CWF19L2: variants seen among roughly 807,000 people sequenced by gnomAD.
CWF19L2 encodes CWF19-like protein 2.
In CWF19L2, 98 loss-of-function variants were observed where a neutral mutation model predicts 111.7. That is an observed-to-expected ratio of 0.88 (90% CI 0.75 to 1.04). The LOEUF (loss-of-function observed/expected upper bound fraction) is 1.04, where lower values mean the gene tolerates loss of function less well. CWF19L2 is among the 50% of genes least tolerant of loss of function. The pLI is 0.00. For missense variants in CWF19L2, 1,101 were observed against 1,051.4 expected, an observed-to-expected ratio of 1.05 and a Z score of -0.65; for synonymous variants, 351 against 342.9, an observed-to-expected ratio of 1.02 and a Z score of -0.26.
intron 14 of CWF19L2, 133 bp from the exon 15 acceptor site, chr11:107,336,846 A>C: frequency 1.8e-6 from 1 of 562,788 alleles, no homozygotes; most frequent in Non-Finnish European, 3.0e-6. Context: ...TAAATAAAAT[A>C]AACAGTAATA....
intron 12 of CWF19L2, among the ~76,000 whole-genome samples, chr11:107,357,045 C>CAAAACAAAAACA (rs60904777): frequency 0.016 from 2,347 of 151,012 alleles, 60 homozygotes; most frequent in African/African-American, 0.053. Context: ...TCTCAAACAA[C>CAAAACAAAAACA]AAAACAAAAA....
intron 7 of CWF19L2, among the ~76,000 whole-genome samples, chr11:107,433,359 G>A (rs1022294741): frequency 4.6e-5 from 7 of 152,138 alleles, no homozygotes; most frequent in Admixed American, 1.3e-4. Flanking sequence ...GTACCATGCA[G>A]ACTTTCCGGC....
intron 12 of CWF19L2, among the ~76,000 whole-genome samples, chr11:107,384,477 G>A (rs892185260): frequency 3.9e-5 from 6 of 152,088 alleles, no homozygotes; most frequent in Non-Finnish European, 7.4e-5. Context: ...CATTATTTTG[G>A]TGCCCAACAA....
At chr11:107,455,554 T>C (rs946537308) in intron 2 of CWF19L2, 112 bp downstream of exon 2, 5 of 600,614 alleles carry the variant, frequency 8.3e-6, no homozygotes, top group Non-Finnish European at 1.4e-5. Context: ...CTATGTGATA[T>C]TCATTTTGTA....
intron 12 of CWF19L2, among the ~76,000 whole-genome samples, chr11:107,374,449 G>A (rs1283177133): frequency 0.011 from 1,045 of 98,388 alleles, no homozygotes; most frequent in African/African-American, 0.016. Context: ...AGCCAGAAGA[G>A]AGTGGGGGCC....
intron 14 of CWF19L2, among the ~76,000 whole-genome samples, chr11:107,341,947 C>A (rs1860010918): frequency 6.6e-6 from 1 of 151,850 alleles, no homozygotes; most frequent in Non-Finnish European, 1.5e-5. Context: ...TGTTTTTTCT[C>A]ATTTTTTTTC....
chr11:107,429,457 A>C lies in CWF19L2; in HGVS notation c.781-6T>G, dbSNP rs1344731383. On this transcript the variant is annotated splice_region_variant and splice_polypyrimidine_tract_variant and intron_variant, in intron 7 of 17. Coordinates refer to ENST00000282251, the MANE Select transcript of CWF19L2 (RefSeq NM_152434.3). Reference sequence around the variant, plus strand: ...GACTGAAATATTTCCATTGACTACAAAGGAGAAAAATTAAACAAGATATCT... The same window carrying C: ...GACTGAAATATTTCCATTGACTACACAGGAGAAAAATTAAACAAGATATCT... 1 of 1,526,292 alleles carries C rather than the reference A, an allele frequency of 6.6e-7. No homozygotes were observed. Among genetic ancestry groups the C allele is most frequent in the East Asian group, 2.4e-5 (1 of 41,842 alleles). The allele number at this position is 1,526,292 out of a possible 1,614,324, so 94.5% of individuals were successfully genotyped here.
chr11:107,353,057 C>T (rs1860180195), intron 13 of CWF19L2, among the ~76,000 whole-genome samples: 1 of 152,120 alleles, frequency 6.6e-6, no homozygotes, highest in Non-Finnish European at 1.5e-5. Context: ...CTCAGAGAAG[C>T]CTTCCAGACT....
At chr11:107,330,629 C>T (rs12791700) in intron 16 of CWF19L2, among the ~76,000 whole-genome samples, 1 of 139,930 alleles carries the variant, frequency 7.1e-6, no homozygotes, top group Non-Finnish European at 1.5e-5. Flanking sequence ...TCTCTCTCTA[C>T]ACACACCCCC....
chr11:107,430,438 C>G (rs1861449746), intron 7 of CWF19L2, among the ~76,000 whole-genome samples: 1 of 151,976 alleles, frequency 6.6e-6, no homozygotes. Flanking sequence ...ATTATCCTTC[C>G]TTGGTATGGG....
intron 4 of CWF19L2, among the ~76,000 whole-genome samples, chr11:107,442,588 G>A (rs1861633467): frequency 6.6e-6 from 1 of 151,604 alleles, no homozygotes; most frequent in South Asian, 2.1e-4. Context: ...GGAGGTCGAG[G>A]TGGGAGGATT....
At chr11:107,399,951 C>T (rs1860976941) in intron 10 of CWF19L2, among the ~76,000 whole-genome samples, 1 of 152,084 alleles carries the variant, frequency 6.6e-6, no homozygotes, top group Non-Finnish European at 1.5e-5. Context: ...AATTAAATAA[C>T]CTGCTCCTGA....
intron 1 of CWF19L2, 90 bp downstream of exon 1, chr11:107,457,622 G>T: frequency 1.1e-6 from 1 of 893,272 alleles, no homozygotes; most frequent in Non-Finnish European, 1.8e-6. Context: ...CAGTACTGAC[G>T]AGGTAAGGGA....
chr11:107,457,717 G>A lies in CWF19L2; in HGVS notation c.100C>T (p.Arg34Cys). 6.4e-7 allele frequency: 1 copy of A among 1,550,614 alleles called. No individual in the cohort carries two copies. Among genetic ancestry groups the A allele is most frequent in the Non-Finnish European group, 8.7e-7 (1 of 1,146,042 alleles). ...QTRNARAEVLRQAKANFEKEE... is the reference protein window; with the variant it reads ...QTRNARAEVLCQAKANFEKEE... ...AAGCCCCAAAACAGAGGTACCTGGC[G>A]CAACACCTCGGCCCTGGCATTCCGG... The change falls in exon 1 of 18, where the codon CGC (arginine) becomes TGC (cysteine). Residue 34 changes from arginine to cysteine, a missense_variant. Transcript: ENST00000282251.
intron 13 of CWF19L2, 27 bp from the exon 14 acceptor site, chr11:107,349,080 A>T (rs1311159166): frequency 2.5e-6 from 3 of 1,189,248 alleles, no homozygotes; most frequent in Admixed American, 3.9e-5. Flanking sequence ...CAAAAGGTGA[A>T]ATGTTATTGT....
intron 8 of CWF19L2, among the ~76,000 whole-genome samples, chr11:107,420,406 A>G (rs557485655): frequency 6.6e-6 from 1 of 152,248 alleles, no homozygotes; most frequent in Non-Finnish European, 1.5e-5. Context: ...GAGGAAAACA[A>G]TATTACCAGG....
At chr11:107,437,629 C>T (rs539628608) in intron 6 of CWF19L2, among the ~76,000 whole-genome samples, 3 of 152,056 alleles carry the variant, frequency 2.0e-5, no homozygotes, top group Non-Finnish European at 4.4e-5. Context: ...AAAAGCATGA[C>T]ATGAAGGGGA....
At chr11:107,356,647 C>T (rs1860240944) in intron 12 of CWF19L2, among the ~76,000 whole-genome samples, 2 of 152,184 alleles carry the variant, frequency 1.3e-5, no homozygotes, top group Non-Finnish European at 2.9e-5. Context: ...GGTCACTAAT[C>T]ATTTTCATGA....
At chr11:107,452,419 A>G (rs1457687562) in intron 3 of CWF19L2, among the ~76,000 whole-genome samples, 7 of 152,178 alleles carry the variant, frequency 4.6e-5, no homozygotes, top group Admixed American at 4.6e-4. Flanking sequence ...ACGACATGTA[A>G]GATCTCTACA....
Sources: allele counts gnomAD v4.1 joint callset (sites outside exome capture counted in the v4.1 genomes callset), GRCh38; gene constraint gnomAD v4.1.1; transcripts MANE v1.5; gene names NCBI Gene and HGNC (gene_info 2026-07-23, HGNC 2026-07-21).